The following CEP72 variants were observed in gnomAD, a reference collection of about 807,000 sequenced individuals.
CEP72 encodes centrosomal protein of 72 kDa.
In CEP72, 78 loss-of-function variants were observed where a neutral mutation model predicts 65.7. That is an observed-to-expected ratio of 1.19 (90% CI 0.99 to 1.43). CEP72 has a LOEUF of 1.43. Among genes scored for constraint, CEP72 ranks in the 40% most tolerant of loss-of-function variants. The pLI, the probability that CEP72 is intolerant of heterozygous loss-of-function variation, is 0.00. For synonymous variants in CEP72, 358 were observed against 351.7 expected (o/e 1.02, Z -0.20); for missense variants, 914 against 832.9 (o/e 1.10, Z -1.20).
chr5:643,253 G>A (rs1358302086), intron 9 of CEP72: 1 of 985,324 alleles, frequency 1.0e-6, no homozygotes, highest in East Asian at 1.1e-4. Context: ...TGCCTTAAGA[G>A]CTCACCGCAT....
chr5:635,283 A>T, intron 5 of CEP72, 89 bp from the exon 6 acceptor site: 1 of 998,988 alleles, frequency 1.0e-6, no homozygotes, highest in Non-Finnish European at 1.5e-6. Context: ...CAGATACCAT[A>T]CACTATTCAG....
At chr5:675,086 G>GGGA in the CEP72 span, among the ~76,000 whole-genome samples, 1 of 93,750 alleles carries the variant, frequency 1.1e-5, no homozygotes. Context: ...GCAGCATGGG[G>GGGA]GGTTCAGTGT....
intron 2 of CEP72, chr5:665,153 G>C: frequency 2.5e-6 from 4 of 1,613,324 alleles, no homozygotes; most frequent in Non-Finnish European, 3.4e-6. Flanking sequence ...GCTTGTAGCC[G>C]GACACATAGC....
chr5:674,369 C>A, the CEP72 span, among the ~76,000 whole-genome samples: 1 of 152,206 alleles, frequency 6.6e-6, no homozygotes, highest in African/African-American at 2.4e-5. Context: ...GGGGCCCTGG[C>A]AGCCAAGGGG....
At chr5:658,488 T>C (rs146218756), downstream of CEP72, among the ~76,000 whole-genome samples, 65 of 152,324 alleles carry the variant, frequency 4.3e-4, no homozygotes, top group Middle Eastern at 3.4e-3. Context: ...TTCTCTTCAG[T>C]CCTTTCAAAG....
intron 9 of CEP72, chr5:643,757 G>A: frequency 1.4e-6 from 1 of 694,744 alleles, no homozygotes; most frequent in Non-Finnish European, 1.8e-6. Flanking sequence ...GCCAGGGAGG[G>A]GCAGAGGCTG....
At chr5:660,242 T>C (rs1010418123), downstream of CEP72, 2 of 151,804 alleles carry the variant, frequency 1.3e-5, no homozygotes, top group African/African-American at 4.8e-5. Flanking sequence ...TTTGTTTCCC[T>C]TTCTTGAAAA....
At chr5:619,936 T>TGGTAA in intron 2 of CEP72, 133 bp from the exon 3 acceptor site, 12 of 696,302 alleles carry the variant, frequency 1.7e-5, no homozygotes, top group African/African-American at 5.4e-5. Flanking sequence ...ATTTTTCTAC[T>TGGTAA]TTTCCTGGTA....
In CEP72 at chr5:624,976, C is replaced by T. The variant is rs1023269353; in HGVS notation, c.512+397C>T. ...GGCCGTGAGCACATTCAGCAGGACC[C>T]GTCTTCCTGGATCGAGGAGGACTTC... is the stretch of plus-strand genomic sequence containing the variant. On this transcript the variant is annotated intron_variant, in intron 4 of 11. Transcript: ENST00000264935. The surrounding 1 kb of genome is among the most constrained non-coding windows in gnomAD (Gnocchi z 4.7). 2.0e-5 allele frequency among the ~76,000 whole-genome samples: 3 copies of T among 152,172 alleles called. No individual in the cohort carries two copies. Among genetic ancestry groups the T allele is most frequent in the South Asian group, 2.1e-4 (1 of 4,830 alleles).
Position 637,519 on chromosome 5 carries a change from T to C in CEP72, c.907T>C (p.Ser303Pro). 6 of 1,612,006 alleles carry C rather than the reference T, an allele frequency of 3.7e-6. No homozygotes were observed. The highest frequency in any genetic ancestry group is 5.1e-6 in the Non-Finnish European group (6 of 1,178,690). ...PHTYFTPHPD[S>P]MDTEDSASSQ... ...GCCCCATCCTCTCTATATCTCAGACTCCATGGATACCGAGGACTCGGCCTC... is the reference window on the plus strand; with the variant it reads ...GCCCCATCCTCTCTATATCTCAGACCCCATGGATACCGAGGACTCGGCCTC... The change falls in exon 7 of 12, where the codon TCC becomes CCC. Residue 303 changes from serine to proline, a missense_variant and splice_region_variant. Transcript: ENST00000264935.
intron 10 of CEP72, among the ~76,000 whole-genome samples, chr5:646,604 G>T (rs968906451): frequency 2.6e-5 from 4 of 152,096 alleles, no homozygotes; most frequent in African/African-American, 9.7e-5. Context: ...GTTCCTCTTG[G>T]TGCAGGCTCT....
In CEP72 at chr5:653,050, G is replaced by A; in HGVS notation, c.1841G>A (p.Arg614Lys). ...QELSQVRAQH[R>K]AEVEQMHWSY... Reference sequence around the variant, plus strand: ...CTGAGCCAGGTGCGGGCGCAGCACAGAGCCGAGGTGGAGCAGATGCACTGG... The same window carrying A: ...CTGAGCCAGGTGCGGGCGCAGCACAAAGCCGAGGTGGAGCAGATGCACTGG... Residue 614 changes from arginine (R) to lysine (K), a missense_variant, in exon 12 of 12, where the codon AGA (arginine) becomes AAA (lysine). By Grantham distance (26) the Arg-to-Lys change is conservative (BLOSUM62 2). Coordinates refer to ENST00000264935, the MANE Select transcript of CEP72 (RefSeq NM_018140.4). 6.2e-7 allele frequency: 1 copy of A among 1,613,964 alleles called. No homozygotes were observed. The highest frequency in any genetic ancestry group is 1.3e-5 in the African/African-American group (1 of 75,074).
intron 9 of CEP72, chr5:643,122 G>C: frequency 1.0e-6 from 1 of 973,458 alleles, no homozygotes; most frequent in Non-Finnish European, 1.2e-6. Context: ...GGTAGAGGCA[G>C]GAGGCTCAGG....
rs767367431 is a variant in CEP72, at chr5:619,130, T to A, written c.210+13T>A. 6.2e-7 allele frequency: 1 copy of A among 1,605,196 alleles called. No individual in the cohort carries two copies. The highest frequency in any genetic ancestry group is 1.3e-5 in the African/African-American group (1 of 74,604). ...GGTTAGTCTGGAGGTAAGTTTTAGG[T>A]CTCTTTCTTAAAATTTATTGCTATC... On this transcript the variant is annotated intron_variant, in intron 2 of 11. Coordinates refer to ENST00000264935, the MANE Select transcript of CEP72 (RefSeq NM_018140.4).
chr5:622,989 C>G (rs966011480), intron 3 of CEP72, among the ~76,000 whole-genome samples: 12 of 152,206 alleles, frequency 7.9e-5, no homozygotes, highest in Non-Finnish European at 1.2e-4. Context: ...GATTCAGAAT[C>G]TTAGTGTTTC....
rs56325086 is a variant in CEP72, at chr5:640,613, G to A, written c.1539+9G>A. The A allele has an allele frequency of 0.18, 281,740 of 1,604,688 alleles. 26,981 individuals carry two copies. Among genetic ancestry groups the A allele is most frequent in the Non-Finnish European group, 0.2 (229,752 of 1,176,680 alleles). On this transcript the variant is annotated intron_variant, in intron 9 of 11. Transcript: ENST00000264935. ...ACACACACAAGGAGCTGGTGAGCCC[G>A]CCCTGGCGCTGTGTCTGTGTCCATG...
At chr5:634,089 C>G (rs1737421727) in intron 5 of CEP72, 142 bp downstream of exon 5, 1 of 711,116 alleles carries the variant, frequency 1.4e-6, no homozygotes, top group Non-Finnish European at 2.3e-6. Context: ...TCTTTGTGTG[C>G]TTTCGAATGC....
intron 2 of CEP72, chr5:663,619 T>A (rs1167075992): frequency 2.8e-5 from 4 of 143,872 alleles, no homozygotes; most frequent in Admixed American, 2.7e-4. Flanking sequence ...AGGTGCACTC[T>A]TGGGAGTCGG....
rs762849562 is a variant in CEP72, at chr5:647,760, G to T, written c.1667-45G>T. ...GTTTTCATTTTCAAAATGTATTAAT[G>T]AGTTTTACTCATTAATGGTACTTTT... On this transcript the variant is annotated intron_variant, in intron 10 of 11. Transcript: ENST00000264935. 8 of 1,231,634 alleles carry T rather than the reference G, an allele frequency of 6.5e-6. No homozygotes were observed. In the South Asian group the frequency reaches 1.0e-4, roughly 16 times the overall value. 76.3% of individuals were successfully genotyped at this position (1,231,634 alleles called of 1,614,324 possible).
Sources: allele counts gnomAD v4.1 joint callset (sites outside exome capture counted in the v4.1 genomes callset), GRCh38; gene constraint gnomAD v4.1.1; non-coding constraint Gnocchi (gnomAD v3.1); transcripts MANE v1.5; gene names NCBI Gene and HGNC (gene_info 2026-07-23, HGNC 2026-07-21).